PRMT3: variants seen among roughly 807,000 people sequenced by gnomAD.
PRMT3 encodes the protein protein arginine N-methyltransferase 3.
A neutral mutation model predicts 71.9 loss-of-function variants in PRMT3; 62 were observed. The ratio of observed to expected loss-of-function variants is 0.86; its 90% confidence interval spans 0.70 to 1.07. The LOEUF (loss-of-function observed/expected upper bound fraction) is 1.07. Among genes scored for constraint, PRMT3 ranks in the 50% least tolerant of loss-of-function variants. The pLI is 0.00. For missense variants in PRMT3, 663 were observed against 643.0 expected, an observed-to-expected ratio of 1.03 and a Z score of -0.34; for synonymous variants, 213 against 220.4, an observed-to-expected ratio of 0.97 and a Z score of 0.30.
At chr11:20,498,883 G>T (rs1446250298) in intron 15 of PRMT3, among the ~76,000 whole-genome samples, 4 of 152,190 alleles carry the variant, frequency 2.6e-5, no homozygotes, top group African/African-American at 9.6e-5. Context: ...GGAGAAAAAT[G>T]CTGAACAAAT....
At chr11:20,494,022 A>G in intron 14 of PRMT3, 53 bp downstream of exon 14, 1 of 1,490,882 alleles carries the variant, frequency 6.7e-7, no homozygotes, top group Non-Finnish European at 9.3e-7. Flanking sequence ...AGTACATTAT[A>G]TTTTATTTTG....
At chr11:20,431,063 A>G (rs989218184) in intron 10 of PRMT3, among the ~76,000 whole-genome samples, 5 of 152,104 alleles carry the variant, frequency 3.3e-5, no homozygotes, top group African/African-American at 1.2e-4. Context: ...GTGTTGCTAT[A>G]TTTCCTCTAT....
chr11:20,466,169 C>T (rs1040192947), intron 13 of PRMT3, among the ~76,000 whole-genome samples: 3 of 152,024 alleles, frequency 2.0e-5, no homozygotes, highest in Admixed American at 6.6e-5. Flanking sequence ...TCTTAGTTTT[C>T]GACAACAGAA....
At chr11:20,446,969 A>T (rs191811700) in intron 10 of PRMT3, among the ~76,000 whole-genome samples, 234 of 152,284 alleles carry the variant, frequency 1.5e-3, no homozygotes, top group Non-Finnish European at 2.7e-3. Flanking sequence ...GAAAACTCTC[A>T]TGTAATTTCA....
intron 9 of PRMT3, among the ~76,000 whole-genome samples, chr11:20,414,870 G>A (rs1168699095): frequency 6.6e-6 from 1 of 152,102 alleles, no homozygotes; most frequent in African/African-American, 2.4e-5. Context: ...TCCTTCTCTA[G>A]ACACAAGGAC....
At chr11:20,425,095 G>C (rs1430036197) in intron 9 of PRMT3, among the ~76,000 whole-genome samples, 1 of 148,062 alleles carries the variant, frequency 6.8e-6, no homozygotes, top group Non-Finnish European at 1.5e-5. Flanking sequence ...AACAGAGTGA[G>C]ACCCTGTCTT....
At position 20,433,957 on chromosome 11, in the gene PRMT3, A is replaced by G. The variant is rs557715192; in HGVS notation, c.993+7092A>G. Among the ~76,000 whole-genome samples, 174 of 152,166 alleles carry G rather than the reference A, an allele frequency of 1.1e-3. 5 individuals are homozygous for G. The South Asian group carries it at 0.034, about 30-fold the overall frequency. ...TTTTAGCTCTTTGAGGAATTACCATACTGCTTTCCACAATGTTTGACCTAA... is the reference window on the plus strand; with the variant it reads ...TTTTAGCTCTTTGAGGAATTACCATGCTGCTTTCCACAATGTTTGACCTAA... On this transcript the variant is annotated intron_variant, in intron 10 of 15. Coordinates refer to ENST00000331079, the MANE Select transcript of PRMT3 (RefSeq NM_005788.4).
At chr11:20,482,764 C>T (rs576933811) in intron 13 of PRMT3, among the ~76,000 whole-genome samples, 1 of 151,606 alleles carries the variant, frequency 6.6e-6, no homozygotes, top group African/African-American at 2.4e-5. Context: ...CTAATGTTTA[C>T]AGACATTTTA....
intron 11 of PRMT3, among the ~76,000 whole-genome samples, chr11:20,460,504 G>C (rs1590080472): frequency 6.6e-6 from 1 of 151,800 alleles, no homozygotes; most frequent in South Asian, 2.1e-4. Context: ...CCAGCTTCTC[G>C]GTCAAGTCCC....
intron 9 of PRMT3, among the ~76,000 whole-genome samples, chr11:20,412,040 G>C (rs1849204578): frequency 6.6e-6 from 1 of 152,060 alleles, no homozygotes; most frequent in South Asian, 2.1e-4. Context: ...TGTATTTAAA[G>C]GACTAAAGAA....
At chr11:20,464,401 G>GTT (rs562956400) in intron 12 of PRMT3, 59 bp from the exon 13 acceptor site, 1,034 of 1,147,020 alleles carry the variant, frequency 9.0e-4, no homozygotes, top group South Asian at 2.7e-3. Context: ...TTTATTTTTT[G>GTT]TTTTTTTTTT....
intron 2 of PRMT3, 55 bp from the exon 3 acceptor site, chr11:20,389,689 C>T (rs1319804998): frequency 8.4e-7 from 1 of 1,188,246 alleles, no homozygotes; most frequent in Non-Finnish European, 1.2e-6. Flanking sequence ...AACATGAAAT[C>T]AGTATTTAGA....
intron 9 of PRMT3, among the ~76,000 whole-genome samples, chr11:20,425,347 T>C (rs925527921): frequency 1.3e-5 from 2 of 152,204 alleles, no homozygotes; most frequent in African/African-American, 4.8e-5. Flanking sequence ...CTGCTGGAAA[T>C]GTCAAATTGT....
intron 7 of PRMT3, among the ~76,000 whole-genome samples, chr11:20,402,395 A>G (rs1405844625): frequency 1.3e-5 from 2 of 152,130 alleles, no homozygotes; most frequent in Non-Finnish European, 2.9e-5. Flanking sequence ...CTGGGATTAC[A>G]GGTGTGAGCC....
At chr11:20,444,950 G>A (rs1849990283) in intron 10 of PRMT3, among the ~76,000 whole-genome samples, 1 of 151,968 alleles carries the variant, frequency 6.6e-6, no homozygotes, top group African/African-American at 2.4e-5. Context: ...ATGTGTCATT[G>A]ATAGTTTGGC....
intron 10 of PRMT3, among the ~76,000 whole-genome samples, chr11:20,441,795 T>G (rs1418832462): frequency 6.6e-6 from 1 of 150,720 alleles, no homozygotes; most frequent in Non-Finnish European, 1.5e-5. Flanking sequence ...CAGGTTTTTT[T>G]TTTTTTTTTT....
intron 15 of PRMT3, among the ~76,000 whole-genome samples, chr11:20,498,156 A>T (rs531530777): frequency 2.2e-4 from 34 of 152,332 alleles, no homozygotes; most frequent in African/African-American, 7.5e-4. Context: ...ATTTAAAATA[A>T]AAATGAACAT....
intron 15 of PRMT3, among the ~76,000 whole-genome samples, chr11:20,501,342 A>T (rs1192998798): frequency 6.6e-6 from 1 of 152,152 alleles, no homozygotes; most frequent in African/African-American, 2.4e-5. Flanking sequence ...GTACAATAAT[A>T]TATATTGTCA....
chr11:20,417,911 T>C (rs1258953116), intron 9 of PRMT3, among the ~76,000 whole-genome samples: 5 of 152,170 alleles, frequency 3.3e-5, no homozygotes, highest in African/African-American at 4.8e-5. Context: ...TAAGGATTTA[T>C]CATTTGAGCT....
Sources: allele counts gnomAD v4.1 joint callset (sites outside exome capture counted in the v4.1 genomes callset), GRCh38; gene constraint gnomAD v4.1.1; transcripts MANE v1.5; gene names NCBI Gene and HGNC (gene_info 2026-07-23, HGNC 2026-07-21).